Variants in LRP1B observed in about 807,000 individuals in gnomAD.
LRP1B encodes the protein LDL receptor related protein 1B, also known as low-density lipoprotein receptor-related protein 1B.
A neutral mutation model predicts 556.6 loss-of-function variants in LRP1B; 217 were observed. The observed-to-expected ratio is 0.39, with a 90% CI of 0.35 to 0.44. LRP1B has a LOEUF of 0.44. Among genes scored for constraint, LRP1B ranks in the 20% least tolerant of loss-of-function variants. The probability of loss-of-function intolerance (pLI) is 1.00; values close to 1 mark genes in which losing one functional copy is unlikely to be tolerated. For synonymous variants in LRP1B, 2,047 were observed against 1,865.8 expected (o/e 1.10, Z -2.50); for missense variants, 5,053 against 5,620.8 (o/e 0.90, Z 3.23).
At chr2:140,296,044 G>C (rs1683589258) in intron 84 of LRP1B, among the ~76,000 whole-genome samples, 2 of 152,126 alleles carry the variant, frequency 1.3e-5, no homozygotes, top group African/African-American at 2.4e-5. Context: ...TGGACAGTGA[G>C]TATATTTTCT....
intron 83 of LRP1B, among the ~76,000 whole-genome samples, chr2:140,303,124 G>A (rs2105011766): frequency 6.9e-6 from 1 of 145,052 alleles, no homozygotes; most frequent in East Asian, 2.0e-4. Context: ...TAAAATAAAT[G>A]GAGATTAGTT....
At chr2:141,804,436 T>C (rs1696106467) in intron 2 of LRP1B, among the ~76,000 whole-genome samples, 1 of 152,098 alleles carries the variant, frequency 6.6e-6, no homozygotes, top group Non-Finnish European at 1.5e-5. Context: ...GAAGAGTTCC[T>C]AGAAAAAGTC....
intron 21 of LRP1B, among the ~76,000 whole-genome samples, chr2:140,920,999 T>C (rs1462168306): frequency 6.6e-6 from 1 of 152,006 alleles, no homozygotes; most frequent in Non-Finnish European, 1.5e-5. Flanking sequence ...TCACAGGAAG[T>C]TGTTTTATAA....
chr2:140,660,871 GT>G (rs11303525), intron 41 of LRP1B, among the ~76,000 whole-genome samples: 58,536 of 142,688 alleles, frequency 0.41, 12,670 homozygotes, highest in African/African-American at 0.58. Context: ...GTCTTTTTGT[GT>G]TTTTTTTTTT....
intron 3 of LRP1B, among the ~76,000 whole-genome samples, chr2:141,382,433 G>T (rs1689676759): frequency 6.6e-6 from 1 of 152,230 alleles, no homozygotes; most frequent in African/African-American, 2.4e-5. Flanking sequence ...TAGAAGATAT[G>T]TGCTTATTTG....
intron 60 of LRP1B, among the ~76,000 whole-genome samples, chr2:140,468,548 C>T (rs774215623): frequency 2.6e-5 from 4 of 152,210 alleles, no homozygotes; most frequent in Non-Finnish European, 4.4e-5. Context: ...CAGCTTGCAA[C>T]TTCAGCCTGG....
chr2:140,810,568 AG>A (rs869080663), intron 32 of LRP1B, among the ~76,000 whole-genome samples: 1 of 94,552 alleles, frequency 1.1e-5, no homozygotes, highest in Non-Finnish European at 2.6e-5. Context: ...AGGTTTTGAA[AG>A]AAGGAGAACC....
At chr2:141,905,150 C>T (rs6743869) in intron 1 of LRP1B, among the ~76,000 whole-genome samples, 99 of 151,922 alleles carry the variant, frequency 6.5e-4, no homozygotes, top group African/African-American at 2.2e-3. Context: ...AAATGAAAAA[C>T]TCCGCAGAGT....
intron 11 of LRP1B, among the ~76,000 whole-genome samples, chr2:141,048,622 A>T (rs998420936): frequency 5.3e-5 from 8 of 152,218 alleles, no homozygotes; most frequent in Admixed American, 2.6e-4. Context: ...TCAATAGTCT[A>T]ATGAAAACCA....
At chr2:141,522,669 A>G (rs1684566381) in intron 2 of LRP1B, among the ~76,000 whole-genome samples, 1 of 152,148 alleles carries the variant, frequency 6.6e-6, no homozygotes, top group Admixed American at 6.6e-5. Flanking sequence ...GGGTTCAAAT[A>G]TTGGAAACAT....
intron 43 of LRP1B, among the ~76,000 whole-genome samples, chr2:140,580,677 C>CA (rs151148434): frequency 0.026 from 3,905 of 151,626 alleles, 78 homozygotes; most frequent in Non-Finnish European, 0.042. Flanking sequence ...TTTATACAGT[C>CA]AAAAAAATGA....
intron 2 of LRP1B, among the ~76,000 whole-genome samples, chr2:141,652,474 T>A (rs1476308669): frequency 6.6e-6 from 1 of 152,216 alleles, no homozygotes; most frequent in Admixed American, 6.5e-5. Flanking sequence ...TTTGAATGTT[T>A]TCTGTATGTC....
chr2:141,075,504 C>T (rs1699763168), intron 7 of LRP1B, among the ~76,000 whole-genome samples: 1 of 152,090 alleles, frequency 6.6e-6, no homozygotes, highest in African/African-American at 2.4e-5. Context: ...TTTTAGCATT[C>T]CTTCAGGAAT....
Position 141,136,833 on chromosome 2 carries a change from T to C in LRP1B, c.1013+51588A>G, listed in dbSNP as rs1183409200. 5.3e-5 allele frequency among the ~76,000 whole-genome samples: 8 copies of C among 151,836 alleles called. No individual in the cohort carries two copies. In the Admixed American group the frequency reaches 5.3e-4, roughly 10 times the overall value. On this transcript the variant is annotated intron_variant, in intron 7 of 90. Coordinates refer to ENST00000389484, the MANE Select transcript of LRP1B (RefSeq NM_018557.3). ...GGTGTAGCAGAACTTCTATCACAGG[T>C]ATATCAGGAGAGAAGTACATGACAT... is the stretch of plus-strand genomic sequence containing the variant.
intron 32 of LRP1B, among the ~76,000 whole-genome samples, chr2:140,776,577 T>TAA (rs1689508045): frequency 6.6e-6 from 1 of 151,784 alleles, no homozygotes; most frequent in Admixed American, 6.6e-5. Context: ...TTTTATTATT[T>TAA]ACATACTTAA....
At chr2:140,580,038 A>C (rs1178322058) in intron 43 of LRP1B, among the ~76,000 whole-genome samples, 1 of 152,110 alleles carries the variant, frequency 6.6e-6, no homozygotes, top group African/African-American at 2.4e-5. Flanking sequence ...CCCACTTGGA[A>C]AGATTCCATC....
intron 32 of LRP1B, among the ~76,000 whole-genome samples, chr2:140,800,677 T>A (rs766170468): frequency 6.6e-6 from 1 of 152,192 alleles, no homozygotes; most frequent in Non-Finnish European, 1.5e-5. Context: ...AAAGTTTTTG[T>A]TTTGTTTAAC....
intron 2 of LRP1B, among the ~76,000 whole-genome samples, chr2:141,544,419 T>A (rs905527408): frequency 1.4e-5 from 2 of 144,732 alleles, no homozygotes; most frequent in Non-Finnish European, 3.0e-5. Flanking sequence ...CTCCTTCTCC[T>A]CCTTCTCCTC....
chr2:141,126,230 T>C (rs1376937994), intron 7 of LRP1B, among the ~76,000 whole-genome samples: 1 of 151,994 alleles, frequency 6.6e-6, no homozygotes, highest in East Asian at 1.9e-4. Context: ...GACGGGGTTT[T>C]GCCATATTGG....
Sources: allele counts gnomAD v4.1 joint callset (sites outside exome capture counted in the v4.1 genomes callset), GRCh38; gene constraint gnomAD v4.1.1; transcripts MANE v1.5; gene names NCBI Gene and HGNC (gene_info 2026-07-23, HGNC 2026-07-21).